The following NTM variants were observed in gnomAD, a reference collection of about 807,000 sequenced individuals.
NTM encodes neurotrimin.
Under a neutral mutation model 42.1 loss-of-function variants are expected in NTM, and 13 were observed. That is an observed-to-expected ratio of 0.31 (90% CI 0.20 to 0.49). The LOEUF is 0.49. NTM is among the 20% of genes least tolerant of loss of function. The pLI is 0.99. For missense variants in NTM, 373 were observed against 452.8 expected, an observed-to-expected ratio of 0.82 and a Z score of 1.60; for synonymous variants, 187 against 179.2, an observed-to-expected ratio of 1.04 and a Z score of -0.35.
chr11:131,635,528 A>G (rs1406443180), intron 1 of NTM, among the ~76,000 whole-genome samples: 1 of 152,176 alleles, frequency 6.6e-6, no homozygotes, highest in Non-Finnish European at 1.5e-5. Flanking sequence ...TGACGTGTGT[A>G]CTAAGTACTA....
At chr11:131,686,395 G>A (rs1365040703) in intron 1 of NTM, among the ~76,000 whole-genome samples, 1 of 152,208 alleles carries the variant, frequency 6.6e-6, no homozygotes, top group Non-Finnish European at 1.5e-5. Context: ...TAAGCTAGAG[G>A]AAAGAAAATG....
chr11:132,281,330 A>G (rs1177335467), intron 4 of NTM, among the ~76,000 whole-genome samples: 1 of 152,162 alleles, frequency 6.6e-6, no homozygotes, highest in Non-Finnish European at 1.5e-5. Flanking sequence ...TTTTCTTAAT[A>G]TATTATTATT....
chr11:131,598,838 T>C lies in NTM; in HGVS notation c.82+227950T>C, dbSNP rs1469391003. 1.9e-3 allele frequency among the ~76,000 whole-genome samples: 63 copies of C among 32,850 alleles called. 6 individuals are homozygous for C. The highest frequency in any genetic ancestry group is 4.9e-3 in the African/African-American group (44 of 9,026). The allele number at this position is 32,850 out of a possible 152,430, so 21.6% of individuals were successfully genotyped here. Reference sequence around the variant, plus strand: ...TCTTTCTTTCTTTCTTCTTTCTTTCTTTCTTTCTTTCTTCCTTCCTTCCTT... The same window carrying C: ...TCTTTCTTTCTTTCTTCTTTCTTTCCTTCTTTCTTTCTTCCTTCCTTCCTT... On this transcript the variant is annotated intron_variant, in intron 1 of 8. Transcript: ENST00000683400.
At chr11:132,280,391 G>A (rs1180770300) in intron 4 of NTM, among the ~76,000 whole-genome samples, 8 of 149,576 alleles carry the variant, frequency 5.3e-5, no homozygotes, top group Admixed American at 4.7e-4. Context: ...CAGCTCTTTA[G>A]TTTTCGGGTG....
intron 1 of NTM, among the ~76,000 whole-genome samples, chr11:131,554,342 G>C (rs1038766372): frequency 1.3e-5 from 2 of 152,124 alleles, no homozygotes; most frequent in African/African-American, 4.8e-5. Flanking sequence ...GAGGCTTAAG[G>C]CATACCCTGA....
At position 132,031,002 on chromosome 11, in the gene NTM, ACC is replaced by A. The variant is rs953636721; in HGVS notation, c.168-115279_168-115278del. Among the ~76,000 whole-genome samples, 179 of 152,246 alleles carry A rather than the reference ACC, an allele frequency of 1.2e-3. 1 individual carries two copies. The highest frequency in any genetic ancestry group is 4.0e-3 in the African/African-American group (165 of 41,546). On this transcript the variant is annotated intron_variant, in intron 2 of 8. Coordinates refer to ENST00000683400, the MANE Select transcript of NTM (RefSeq NM_001352005.2). ...GAGGAGCCAGCAGCTACTCACCCAG[ACC>A]TGGTTGATGGAACACCAGGGCGCAA... is the stretch of plus-strand genomic sequence containing the variant.
chr11:131,473,902 A>T (rs901270277), intron 1 of NTM, among the ~76,000 whole-genome samples: 1 of 152,008 alleles, frequency 6.6e-6, no homozygotes, highest in Non-Finnish European at 1.5e-5. Flanking sequence ...CCTTTTCTTG[A>T]TCTACTTTTC....
At chr11:131,403,428 A>G (rs555099039) in intron 1 of NTM, among the ~76,000 whole-genome samples, 2 of 152,224 alleles carry the variant, frequency 1.3e-5, no homozygotes, top group Non-Finnish European at 2.9e-5. Context: ...TTTTTCTGGC[A>G]AAAATCTCAA....
intron 1 of NTM, among the ~76,000 whole-genome samples, chr11:131,688,270 G>A (rs2074192268): frequency 6.6e-6 from 1 of 152,196 alleles, no homozygotes; most frequent in African/African-American, 2.4e-5. Context: ...CCAGACAGGG[G>A]GGAAAGCAGC....
At chr11:131,532,354 G>C (rs191296594) in intron 1 of NTM, among the ~76,000 whole-genome samples, 1 of 152,148 alleles carries the variant, frequency 6.6e-6, no homozygotes, top group Non-Finnish European at 1.5e-5. Flanking sequence ...TTCATTTAGC[G>C]TAAGGTTTTC....
chr11:132,135,990 A>G lies in NTM; in HGVS notation c.168-10292A>G, dbSNP rs140263778. ...CTAGGTTAACTATCTGGAGAGATCC[A>G]GTTACCTTTTCTGCACTTAATTACT... is the stretch of plus-strand genomic sequence containing the variant. On this transcript the variant is annotated intron_variant, in intron 2 of 8. Transcript: ENST00000683400. Among the ~76,000 whole-genome samples, 6 of 152,292 alleles carry G rather than the reference A, an allele frequency of 3.9e-5. No homozygotes were observed. In the East Asian group the frequency reaches 1.2e-3, roughly 30 times the overall value.
At chr11:132,070,056 C>T (rs555864023) in intron 2 of NTM, among the ~76,000 whole-genome samples, 4 of 141,420 alleles carry the variant, frequency 2.8e-5, no homozygotes, top group Non-Finnish European at 6.1e-5. Context: ...TTAGTTAACA[C>T]GTCACACAGC....
chr11:132,123,325 G>A (rs545434267), intron 2 of NTM, among the ~76,000 whole-genome samples: 12 of 152,294 alleles, frequency 7.9e-5, no homozygotes, highest in South Asian at 6.2e-4. Context: ...AGGCTCTCTC[G>A]TAGGTGAAGG....
chr11:131,438,057 A>T (rs1023249679), intron 1 of NTM, among the ~76,000 whole-genome samples: 7 of 152,200 alleles, frequency 4.6e-5, no homozygotes, highest in African/African-American at 1.7e-4. Flanking sequence ...GTTTGGCTGG[A>T]TATGAAATTG....
intron 4 of NTM, among the ~76,000 whole-genome samples, chr11:132,223,993 C>A (rs528189315): frequency 2.6e-5 from 4 of 152,056 alleles, no homozygotes; most frequent in Non-Finnish European, 5.9e-5. Flanking sequence ...TCAAAGCCCT[C>A]GATGAATCTT....
At chr11:131,784,536 A>G (rs1379656263) in intron 1 of NTM, among the ~76,000 whole-genome samples, 7 of 152,204 alleles carry the variant, frequency 4.6e-5, no homozygotes, top group Admixed American at 2.0e-4. Flanking sequence ...GTAAAGCTCT[A>G]GAATAGGTGA....
intron 4 of NTM, among the ~76,000 whole-genome samples, chr11:132,247,194 G>T (rs1332500106): frequency 6.6e-6 from 1 of 152,202 alleles, no homozygotes; most frequent in Non-Finnish European, 1.5e-5. Context: ...TTTGCCATCT[G>T]CGTGTATGTC....
At chr11:132,120,295 T>C (rs2064577916) in intron 2 of NTM, among the ~76,000 whole-genome samples, 1 of 152,218 alleles carries the variant, frequency 6.6e-6, no homozygotes, top group Non-Finnish European at 1.5e-5. Context: ...TTTGAGAGAA[T>C]GCCAGAATGT....
chr11:132,264,978 A>T (rs1417797317), intron 4 of NTM, among the ~76,000 whole-genome samples: 3 of 152,170 alleles, frequency 2.0e-5, no homozygotes, highest in African/African-American at 7.2e-5. Context: ...TGCTTCCCAA[A>T]AGCTCCACCT....
Sources: gnomAD v4.1 joint callset for allele counts (sites outside exome capture counted in the v4.1 genomes callset) on GRCh38, gnomAD v4.1.1 for gene constraint, MANE v1.5 for transcripts, NCBI Gene and HGNC (gene_info 2026-07-23, HGNC 2026-07-21) for gene names.